The following CHN2 variants were observed in gnomAD, a reference collection of about 807,000 sequenced individuals.
CHN2 encodes the protein beta-chimaerin.
A neutral mutation model predicts 56.3 loss-of-function variants in CHN2; 35 were observed. The observed-to-expected ratio is 0.62, with a 90% CI of 0.47 to 0.82. The LOEUF (loss-of-function observed/expected upper bound fraction) is 0.82, where lower values mean the gene tolerates loss of function less well. Ranked by LOEUF, CHN2 falls within the 40% of genes least tolerant of loss-of-function variation. The pLI is 0.00. For synonymous variants in CHN2, 210 were observed against 212.8 expected (o/e 0.99, Z 0.12); for missense variants, 491 against 580.5 (o/e 0.85, Z 1.58).
intron 6 of CHN2, among the ~76,000 whole-genome samples, chr7:29,447,855 C>A (rs1488789313): frequency 6.6e-6 from 1 of 152,148 alleles, no homozygotes; most frequent in Admixed American, 6.5e-5. Context: ...TAAAACTGAT[C>A]TATTAACAAA....
intron 1 of CHN2, among the ~76,000 whole-genome samples, chr7:29,253,974 G>T (rs186241904): frequency 1.3e-5 from 2 of 152,012 alleles, no homozygotes; most frequent in African/African-American, 4.8e-5. Flanking sequence ...GCATGATCTC[G>T]GCTCACTGCA....
At chr7:29,283,239 G>A (rs1423028976) in intron 1 of CHN2, among the ~76,000 whole-genome samples, 3 of 152,182 alleles carry the variant, frequency 2.0e-5, no homozygotes, top group East Asian at 3.9e-4. Flanking sequence ...GTATTAACTT[G>A]TTTAGCTGCC....
chr7:29,206,717 C>G (rs1784547064), intron 1 of CHN2, among the ~76,000 whole-genome samples: 3 of 152,060 alleles, frequency 2.0e-5, no homozygotes, highest in Admixed American at 6.5e-5. Flanking sequence ...ATAGTGAACA[C>G]TGAAGAAACA....
chr7:29,149,817 C>G (rs1793344660), intron 2 of CHN2, among the ~76,000 whole-genome samples: 1 of 152,168 alleles, frequency 6.6e-6, no homozygotes, highest in Non-Finnish European at 1.5e-5. Flanking sequence ...TGTGTCTTTT[C>G]ACAGTGTCTC....
chr7:29,214,158 A>G (rs1408130223), intron 1 of CHN2, among the ~76,000 whole-genome samples: 1 of 152,150 alleles, frequency 6.6e-6, no homozygotes, highest in African/African-American at 2.4e-5. Flanking sequence ...TTAGACTTCC[A>G]TTTATGCTCA....
In CHN2 at chr7:29,473,482, T is replaced by TTTGTG. The variant is rs539151442; in HGVS notation, c.577-6796_577-6795insTGTGT. Among the ~76,000 whole-genome samples the TTTGTG allele has an allele frequency of 6.3e-3, 742 of 118,166 alleles. 7 individuals are homozygous for TTTGTG. The highest frequency in any genetic ancestry group is 0.017 in the East Asian group (76 of 4,378). 77.5% of individuals were successfully genotyped at this position (118,166 alleles called of 152,430 possible). A position where few individuals can be genotyped will look rare whatever the true frequency, so the allele number is the denominator to read the frequency against. On this transcript the variant is annotated intron_variant, in intron 6 of 12. Coordinates refer to ENST00000222792, the MANE Select transcript of CHN2 (RefSeq NM_004067.4). ...TGTGTGTGTTTGTGTTTTTTTTTTT[T>TTTGTG]TGTGTGTGTGTGTGTGTGTGTGTGT...
At chr7:29,418,663 A>G (rs1804022143) in intron 6 of CHN2, among the ~76,000 whole-genome samples, 1 of 152,162 alleles carries the variant, frequency 6.6e-6, no homozygotes, top group African/African-American at 2.4e-5. Context: ...TACTTCCCTC[A>G]GTTTCCCTCT....
chr7:29,498,051 A>G (rs2128573212), intron 8 of CHN2, among the ~76,000 whole-genome samples: 1 of 152,342 alleles, frequency 6.6e-6, no homozygotes, highest in South Asian at 2.1e-4. Context: ...AAAATGATAA[A>G]TTTATCAGAA....
intron 6 of CHN2, among the ~76,000 whole-genome samples, chr7:29,444,342 C>T (rs1053454878): frequency 8.5e-5 from 13 of 152,154 alleles, no homozygotes; most frequent in Non-Finnish European, 1.8e-4. Context: ...AAGCATTTGC[C>T]GATGATTCTG....
intron 2 of CHN2, among the ~76,000 whole-genome samples, chr7:29,163,448 T>C (rs1378137354): frequency 6.6e-6 from 1 of 152,204 alleles, no homozygotes; most frequent in Non-Finnish European, 1.5e-5. Flanking sequence ...TATATTTCTA[T>C]TTCCTGCTCT....
intron 2 of CHN2, among the ~76,000 whole-genome samples, chr7:29,176,835 G>A (rs1361569351): frequency 6.6e-6 from 1 of 152,160 alleles, no homozygotes; most frequent in Non-Finnish European, 1.5e-5. Flanking sequence ...GAAAGGGAAA[G>A]CAACCTCTTG....
chr7:29,285,274 A>G (rs891517129), intron 1 of CHN2, among the ~76,000 whole-genome samples: 1 of 152,248 alleles, frequency 6.6e-6, no homozygotes, highest in Admixed American at 6.5e-5. Flanking sequence ...GGTGATACAC[A>G]GAGCAAATGG....
At chr7:29,425,084 A>G (rs1804722783) in intron 6 of CHN2, among the ~76,000 whole-genome samples, 2 of 152,274 alleles carry the variant, frequency 1.3e-5, no homozygotes, top group South Asian at 2.1e-4. Flanking sequence ...ACCCTTAACA[A>G]CCATCTCTAT....
chr7:29,258,146 G>A (rs1789231545), intron 1 of CHN2, among the ~76,000 whole-genome samples: 1 of 151,972 alleles, frequency 6.6e-6, no homozygotes, highest in Non-Finnish European at 1.5e-5. Context: ...GATTTTTGGT[G>A]GTCCCTATAG....
chr7:29,425,045 A>G (rs931821758), intron 6 of CHN2, among the ~76,000 whole-genome samples: 13 of 152,172 alleles, frequency 8.5e-5, no homozygotes, highest in African/African-American at 3.1e-4. Flanking sequence ...TGACTCACAC[A>G]CTGTTGATTG....
At chr7:29,255,336 G>C (rs1186781207) in intron 1 of CHN2, among the ~76,000 whole-genome samples, 2 of 152,174 alleles carry the variant, frequency 1.3e-5, no homozygotes, top group Non-Finnish European at 2.9e-5. Context: ...GATGACAAAG[G>C]CAGGGCTCCT....
intron 6 of CHN2, among the ~76,000 whole-genome samples, chr7:29,408,293 C>T (rs143806308): frequency 2.0e-4 from 30 of 152,266 alleles, no homozygotes; most frequent in South Asian, 8.3e-4. Flanking sequence ...AGGCACCTGT[C>T]GGTCTTTTTT....
At chr7:29,509,451 G>T in intron 12 of CHN2, 45 bp downstream of exon 12, 1 of 1,456,548 alleles carries the variant, frequency 6.9e-7, no homozygotes, top group East Asian at 2.3e-5. Context: ...CTCCTAGAGC[G>T]GTTAATGCAT....
chr7:29,189,830 C>G (rs1026985136), upstream of CHN2, among the ~76,000 whole-genome samples: 1 of 152,128 alleles, frequency 6.6e-6, no homozygotes, highest in East Asian at 1.9e-4. Flanking sequence ...TACCCCCAAG[C>G]CCCCCTGCAG....
Sources: gnomAD v4.1 joint callset for allele counts (sites outside exome capture counted in the v4.1 genomes callset) on GRCh38, gnomAD v4.1.1 for gene constraint, MANE v1.5 for transcripts, NCBI Gene and HGNC (gene_info 2026-07-23, HGNC 2026-07-21) for gene names.